SLC22A23: variants seen among roughly 807,000 people sequenced by gnomAD.
The protein encoded by SLC22A23 is ion transporter protein.
Under a neutral mutation model 61.0 loss-of-function variants are expected in SLC22A23, and 26 were observed. That is an observed-to-expected ratio of 0.43 (90% CI 0.31 to 0.59). SLC22A23 has a LOEUF of 0.59. SLC22A23 is among the 20% of genes least tolerant of loss of function. The pLI is 0.11. For synonymous variants in SLC22A23, 430 were observed against 413.9 expected (o/e 1.04, Z -0.47); for missense variants, 796 against 934.7 (o/e 0.85, Z 1.94).
chr6:3,286,958 T>A lies in SLC22A23; in HGVS notation c.1447A>T (p.Met483Leu). 6.2e-7 allele frequency: 1 copy of A among 1,614,066 alleles called. No homozygotes were observed. The highest frequency in any genetic ancestry group is 8.5e-7 in the Non-Finnish European group (1 of 1,180,026). ...ASIALVSCLA[M>L]CVVVRFLGRR... ...CCGAGGAATCGGACCACCACGCACA[T>A]GGCCAGGCAGGACACCAGCGCGATG... is the stretch of plus-strand genomic sequence containing the variant. The change falls in exon 7 of 10, where the codon ATG becomes TTG. Residue 483 changes from methionine to leucine, a missense_variant. Physicochemically the swap from Met to Leu is conservative, Grantham distance 15. Transcript: ENST00000406686. This position sits in a 1 kb window ranked among gnomAD's most constrained non-coding sequence, Gnocchi z 4.2.
At chr6:3,350,025 A>C (rs998989266) in intron 3 of SLC22A23, among the ~76,000 whole-genome samples, 3 of 152,164 alleles carry the variant, frequency 2.0e-5, no homozygotes, top group Non-Finnish European at 2.9e-5. Context: ...AGCACATAAA[A>C]GTCTGGTGGA....
intron 3 of SLC22A23, among the ~76,000 whole-genome samples, chr6:3,389,307 A>G (rs927552459): frequency 4.0e-5 from 6 of 151,666 alleles, no homozygotes; most frequent in African/African-American, 7.2e-5. Flanking sequence ...CAACAACAAC[A>G]AAGTGCTGGG....
intron 3 of SLC22A23, among the ~76,000 whole-genome samples, chr6:3,393,181 G>A (rs777272216): frequency 3.1e-4 from 47 of 152,218 alleles, no homozygotes; most frequent in Admixed American, 1.2e-3. Context: ...AATTCCACCT[G>A]AGCAGCGGGG....
Position 3,308,009 on chromosome 6 carries a change from A to G in SLC22A23, c.1083-9791T>C, listed in dbSNP as rs6925830. Among the ~76,000 whole-genome samples the G allele has an allele frequency of 0.84, 127,829 of 152,046 alleles. 54,068 individuals carry two copies. The highest frequency in any genetic ancestry group is 0.9 in the African/African-American group (37,435 of 41,458). The stretch of plus-strand genomic sequence containing the variant: ...AGGAACACCTTGACATTCCACTCAC[A>G]TCAGGCACTAGAGGAGTCAAATTCA... On this transcript the variant is annotated intron_variant, in intron 4 of 9. Transcript: ENST00000406686. This position sits in a 1 kb window ranked among gnomAD's most constrained non-coding sequence, Gnocchi z 5.1.
rs1561849088 is a variant in SLC22A23 at position 3,270,603 on chromosome 6, C to T, written c.*2452G>A. On this transcript the variant is annotated 3_prime_UTR_variant, in exon 10 of 10. Coordinates refer to ENST00000406686, the MANE Select transcript of SLC22A23 (RefSeq NM_015482.2). ...CGACCGTCGGCAAGTCAGCCTCACA[C>T]CCACTGGACTCTGCTCCCAAGAGCC... 2 of 152,422 alleles carry T rather than the reference C, an allele frequency of 1.3e-5. No homozygotes were observed. Among genetic ancestry groups the T allele is most frequent in the Non-Finnish European group, 2.9e-5 (2 of 68,068 alleles). The allele number at this position is 152,422 out of a possible 1,614,324, so 9.4% of individuals were successfully genotyped here.
chr6:3,370,779 C>A (rs1179884125), intron 3 of SLC22A23, among the ~76,000 whole-genome samples: 1 of 152,254 alleles, frequency 6.6e-6, no homozygotes, highest in Non-Finnish European at 1.5e-5. Context: ...ACCAATAGGA[C>A]TTTCAAAGCC....
intron 4 of SLC22A23, among the ~76,000 whole-genome samples, chr6:3,307,174 G>A (rs1361481923): frequency 1.3e-5 from 2 of 152,176 alleles, no homozygotes; most frequent in East Asian, 1.9e-4. Context: ...CTGAGGGTAG[G>A]CACAAAACCT....
intron 3 of SLC22A23, among the ~76,000 whole-genome samples, chr6:3,405,891 G>A (rs1317572321): frequency 6.6e-6 from 1 of 152,182 alleles, no homozygotes; most frequent in Non-Finnish European, 1.5e-5. Flanking sequence ...TTTTTGCAAA[G>A]TAATCAGTAA....
At chr6:3,391,831 G>A (rs1034014593) in intron 3 of SLC22A23, among the ~76,000 whole-genome samples, 7 of 151,932 alleles carry the variant, frequency 4.6e-5, no homozygotes, top group Admixed American at 6.6e-5. Context: ...ACTGAAAAGC[G>A]ATCATAGTGA....
intron 3 of SLC22A23, among the ~76,000 whole-genome samples, chr6:3,336,454 T>C (rs536080000): frequency 6.6e-6 from 1 of 152,322 alleles, no homozygotes; most frequent in South Asian, 2.1e-4. Flanking sequence ...GCTACGTCAG[T>C]CCAAATTCTG....
chr6:3,449,853 T>C (rs1772084459), intron 1 of SLC22A23, among the ~76,000 whole-genome samples: 1 of 152,258 alleles, frequency 6.6e-6, no homozygotes, highest in Non-Finnish European at 1.5e-5. Flanking sequence ...GATTTCGTGA[T>C]ATATTGTGAA....
chr6:3,414,998 T>C lies in SLC22A23; in HGVS notation c.758+754A>G, dbSNP rs559623401. Among the ~76,000 whole-genome samples, 1 of 152,224 alleles carries C rather than the reference T, an allele frequency of 6.6e-6. No individual in the cohort carries two copies. Among genetic ancestry groups the C allele is most frequent in the Non-Finnish European group, 1.5e-5 (1 of 68,038 alleles). On this transcript the variant is annotated intron_variant, in intron 2 of 9. Transcript: ENST00000406686. This position sits in a 1 kb window ranked among gnomAD's most constrained non-coding sequence, Gnocchi z 5.1. ...CTCTCCAGCTTAAAGCTGAGTGAAC[T>C]TGGAGATTTTACTTACACTTCTCTG...
chr6:3,450,376 G>T (rs536831870), intron 1 of SLC22A23, among the ~76,000 whole-genome samples: 1 of 152,030 alleles, frequency 6.6e-6, no homozygotes, highest in Admixed American at 6.5e-5. Context: ...GAGTGATCTC[G>T]GCTCACCGCA....
Position 3,287,082 on chromosome 6 carries a change from C to T in SLC22A23, c.1323G>A (p.Gly441=). ...IVVLCVNSLT[G]YGIHHCFARS... is the part of the protein sequence containing the mutation. ...TGGCAAAGCAGTGGTGGATCCCGTA[C>T]CCCGTCAGCCTGTGGAGACATACCG... is the stretch of plus-strand genomic sequence containing the variant. Residue 441 remains glycine (G), a synonymous_variant, in exon 7 of 10, where the codon GGG becomes GGA. Transcript: ENST00000406686. The T allele has an allele frequency of 1.2e-6, 2 of 1,614,098 alleles. No individual in the cohort carries two copies. The highest frequency in any genetic ancestry group is 1.7e-6 in the Non-Finnish European group (2 of 1,180,012).
At chr6:3,285,929 C>T (rs960260016) in intron 7 of SLC22A23, among the ~76,000 whole-genome samples, 2 of 152,072 alleles carry the variant, frequency 1.3e-5, no homozygotes, top group African/African-American at 4.8e-5. Flanking sequence ...CCAGGAGGAC[C>T]GTGCCAGGGT....
chr6:3,367,715 G>C (rs1765927638), intron 3 of SLC22A23, among the ~76,000 whole-genome samples: 1 of 152,236 alleles, frequency 6.6e-6, no homozygotes, highest in South Asian at 2.1e-4. Context: ...AGGTTTTCCA[G>C]TGGCTTCTAT....
At chr6:3,401,307 T>C (rs1002045079) in intron 3 of SLC22A23, among the ~76,000 whole-genome samples, 2 of 152,128 alleles carry the variant, frequency 1.3e-5, no homozygotes, top group Non-Finnish European at 2.9e-5. Flanking sequence ...CGCTGCACTC[T>C]AGCCTGGGCA....
chr6:3,326,857 G>T (rs1387092285), intron 3 of SLC22A23, among the ~76,000 whole-genome samples: 2 of 152,232 alleles, frequency 1.3e-5, no homozygotes, highest in Non-Finnish European at 1.5e-5. Context: ...GCAGGCACTT[G>T]AGGATTGCCA....
At position 3,324,752 on chromosome 6, in the gene SLC22A23, G is replaced by A. The variant is rs1763179674; in HGVS notation, c.914-750C>T. The stretch of plus-strand genomic sequence containing the variant: ...TCTATTGGACACCACCCCCGGGCAA[G>A]GCCCATGTCTAATTCATCTTTGTAG... On this transcript the variant is annotated intron_variant, in intron 3 of 9. Transcript: ENST00000406686. The surrounding 1 kb of genome is among the most constrained non-coding windows in gnomAD (Gnocchi z 4.3). 6.6e-6 allele frequency among the ~76,000 whole-genome samples: 1 copy of A among 152,330 alleles called. No homozygotes were observed. Among genetic ancestry groups the A allele is most frequent in the Admixed American group, 6.5e-5 (1 of 15,304 alleles).
Sources: allele counts gnomAD v4.1 joint callset (sites outside exome capture counted in the v4.1 genomes callset), GRCh38; gene constraint gnomAD v4.1.1; non-coding constraint Gnocchi (gnomAD v3.1); transcripts MANE v1.5; gene names NCBI Gene and HGNC (gene_info 2026-07-23, HGNC 2026-07-21).